Variants in PRKG1 observed in about 807,000 individuals in gnomAD.
The protein encoded by PRKG1 is protein kinase cGMP-dependent 1.
PRKG1 carries 35 observed loss-of-function variants against 88.1 expected under a neutral mutation model. That is an observed-to-expected ratio of 0.40 (90% CI 0.30 to 0.53). PRKG1 has a LOEUF of 0.53. Among genes scored for constraint, PRKG1 ranks in the 20% least tolerant of loss-of-function variants. The pLI is 0.59. For missense variants in PRKG1, 540 were observed against 839.8 expected, an observed-to-expected ratio of 0.64 and a Z score of 4.41; for synonymous variants, 303 against 292.5, an observed-to-expected ratio of 1.04 and a Z score of -0.37.
intron 2 of PRKG1, among the ~76,000 whole-genome samples, chr10:51,378,456 G>A (rs1842857857): frequency 6.6e-6 from 1 of 152,154 alleles, no homozygotes; most frequent in African/African-American, 2.4e-5. Context: ...GAGCTAATTG[G>A]TTCTTTCAGG....
chr10:51,227,696 C>T (rs1422227943), intron 2 of PRKG1, among the ~76,000 whole-genome samples: 1 of 152,122 alleles, frequency 6.6e-6, no homozygotes, highest in South Asian at 2.1e-4. Flanking sequence ...AGCCAGAGTT[C>T]AGCAACAGCG....
Position 51,739,858 on chromosome 10 carries a change from A to T in PRKG1, c.593-64727A>T, listed in dbSNP as rs571041361. ...CGTGGTGGCGCATGCCTGTAGTCCC[A>T]GGTACTCAGGAGGCTGAGGTGGAAG... On this transcript the variant is annotated intron_variant, in intron 3 of 17. Transcript: ENST00000373980. Among the ~76,000 whole-genome samples, 152 of 152,266 alleles carry T rather than the reference A, an allele frequency of 1.0e-3. 1 individual carries two copies. The highest frequency in any genetic ancestry group is 3.5e-3 in the African/African-American group (145 of 41,566).
At chr10:51,879,738 G>C (rs1219446079) in intron 4 of PRKG1, among the ~76,000 whole-genome samples, 1 of 152,200 alleles carries the variant, frequency 6.6e-6, no homozygotes, top group Non-Finnish European at 1.5e-5. Context: ...CTGCTGGCTT[G>C]AGTGTAGGTC....
At chr10:51,575,446 T>G (rs1837862629) in intron 3 of PRKG1, among the ~76,000 whole-genome samples, 1 of 151,930 alleles carries the variant, frequency 6.6e-6, no homozygotes, top group South Asian at 2.1e-4. Context: ...CCATAGAAAT[T>G]GCTTCTTGGA....
intron 2 of PRKG1, among the ~76,000 whole-genome samples, chr10:51,400,657 G>A (rs1368924705): frequency 6.6e-6 from 1 of 152,204 alleles, no homozygotes; most frequent in Non-Finnish European, 1.5e-5. Flanking sequence ...CAACGTGGAA[G>A]TGAGTGCGTT....
intron 9 of PRKG1, among the ~76,000 whole-genome samples, chr10:52,196,890 G>T (rs967486443): frequency 1.3e-5 from 2 of 152,106 alleles, no homozygotes; most frequent in Admixed American, 6.5e-5. Context: ...TACTAATTAT[G>T]ATATAGACAT....
intron 9 of PRKG1, among the ~76,000 whole-genome samples, chr10:52,224,978 C>A (rs1442564041): frequency 6.6e-6 from 1 of 151,674 alleles, no homozygotes; most frequent in Non-Finnish European, 1.5e-5. Context: ...GTAATGACTT[C>A]TTTTCCTCTG....
intron 5 of PRKG1, among the ~76,000 whole-genome samples, chr10:52,034,835 T>C (rs187868524): frequency 6.6e-6 from 1 of 152,160 alleles, no homozygotes; most frequent in African/African-American, 2.4e-5. Context: ...TGGGGCCTAA[T>C]AAAAAGGAGT....
intron 2 of PRKG1, among the ~76,000 whole-genome samples, chr10:51,338,549 C>G (rs959751210): frequency 2.6e-5 from 4 of 152,074 alleles, no homozygotes; most frequent in Non-Finnish European, 5.9e-5. Flanking sequence ...AATACATGGA[C>G]CAGGGGCCAT....
Position 52,150,180 on chromosome 10 carries a change from A to ATTATTATTATTATTATTATT in PRKG1, c.1002-11709_1002-11708insTTATTATTATTATTATTATT, listed in dbSNP as rs1554810280. Among the ~76,000 whole-genome samples the ATTATTATTATTATTATTATT allele has an allele frequency of 1.9e-3, 260 of 137,200 alleles. 2 individuals are homozygous for ATTATTATTATTATTATTATT. The highest frequency in any genetic ancestry group is 6.2e-3 in the African/African-American group (233 of 37,384). The allele number at this position is 137,200 out of a possible 152,430, so 90.0% of individuals were successfully genotyped here. ...TAATAATAATAATAATAATAATAAT[A>ATTATTATTATTATTATTATT]ATAATTTGATTGGCCATAAGGGCAG... On this transcript the variant is annotated intron_variant, in intron 8 of 17. Coordinates refer to ENST00000373980, the MANE Select transcript of PRKG1 (RefSeq NM_006258.4).
Position 51,549,120 on chromosome 10 carries a change from C to CTTTTTTTTTT in PRKG1, c.592+81296_592+81305dup, listed in dbSNP as rs56045527. The stretch of plus-strand genomic sequence containing the variant: ...TTCTTTCCTTTCTTTCTTTTCTTTT[C>CTTTTTTTTTT]TTTTTTTTTTTTTTTTTTTTTGAGA... On this transcript the variant is annotated intron_variant, in intron 3 of 17. Coordinates refer to ENST00000373980, the MANE Select transcript of PRKG1 (RefSeq NM_006258.4). Among the ~76,000 whole-genome samples, 369 of 70,312 alleles carry CTTTTTTTTTT rather than the reference C, an allele frequency of 5.2e-3. 8 individuals are homozygous for CTTTTTTTTTT. The highest frequency in any genetic ancestry group is 5.8e-3 in the African/African-American group (104 of 17,874). 46.1% of individuals were successfully genotyped at this position (70,312 alleles called of 152,430 possible).
At chr10:51,750,604 G>A (rs952147779) in intron 3 of PRKG1, among the ~76,000 whole-genome samples, 1 of 152,210 alleles carries the variant, frequency 6.6e-6, no homozygotes, top group African/African-American at 2.4e-5. Flanking sequence ...AACGCATGAA[G>A]TAGTGCATCA....
At chr10:51,755,569 T>G (rs1326585073) in intron 3 of PRKG1, among the ~76,000 whole-genome samples, 1 of 152,244 alleles carries the variant, frequency 6.6e-6, no homozygotes, top group Non-Finnish European at 1.5e-5. Context: ...TTTGCACAGC[T>G]GATTAGATTT....
rs145960593 is a variant in PRKG1, at chr10:51,368,642, C to T, written c.479-99081C>T. Among the ~76,000 whole-genome samples the T allele has an allele frequency of 1.4e-3, 213 of 152,134 alleles. 1 individual carries two copies. The highest frequency in any genetic ancestry group is 4.4e-3 in the African/African-American group (184 of 41,528). Reference sequence around the variant, plus strand: ...CAAAAGAGAGTGAAATGTTTAAAAGCTGAGTATTTACTATGAACAATAGAT... The same window carrying T: ...CAAAAGAGAGTGAAATGTTTAAAAGTTGAGTATTTACTATGAACAATAGAT... On this transcript the variant is annotated intron_variant, in intron 2 of 17. Transcript: ENST00000373980.
At chr10:51,389,494 TAC>T (rs1191544217) in intron 2 of PRKG1, among the ~76,000 whole-genome samples, 2 of 152,160 alleles carry the variant, frequency 1.3e-5, no homozygotes, top group Non-Finnish European at 2.9e-5. Flanking sequence ...GCCACAGCTG[TAC>T]AGTTTCCTTG....
At chr10:52,232,728 C>A (rs1220797309) in intron 9 of PRKG1, among the ~76,000 whole-genome samples, 1 of 152,162 alleles carries the variant, frequency 6.6e-6, no homozygotes, top group Non-Finnish European at 1.5e-5. Context: ...CAACCCCTCC[C>A]TATGGCTTCA....
chr10:52,144,512 C>A (rs1285730602), intron 8 of PRKG1, among the ~76,000 whole-genome samples: 1 of 152,110 alleles, frequency 6.6e-6, no homozygotes, highest in African/African-American at 2.4e-5. Context: ...AGCTTAAGAG[C>A]CTTAACTTTA....
intron 3 of PRKG1, among the ~76,000 whole-genome samples, chr10:51,484,375 T>C (rs895839360): frequency 6.6e-6 from 1 of 152,182 alleles, no homozygotes; most frequent in East Asian, 1.9e-4. Context: ...TTAAAAGACA[T>C]TTTATCTTAT....
intron 4 of PRKG1, among the ~76,000 whole-genome samples, chr10:51,879,044 A>G (rs535699407): frequency 3.0e-4 from 45 of 152,262 alleles, no homozygotes; most frequent in African/African-American, 9.4e-4. Flanking sequence ...TGTCCTTGTC[A>G]ACCTCTAAAT....
Sources: allele counts gnomAD v4.1 joint callset (sites outside exome capture counted in the v4.1 genomes callset), GRCh38; gene constraint gnomAD v4.1.1; transcripts MANE v1.5; gene names NCBI Gene and HGNC (gene_info 2026-07-23, HGNC 2026-07-21).